CR1L: variants seen among roughly 807,000 people sequenced by gnomAD.
The protein encoded by CR1L is complement C3b/C4b receptor 1 like.
CR1L carries 59 observed loss-of-function variants against 62.3 expected under a neutral mutation model. The ratio of observed to expected loss-of-function variants is 0.95; its 90% confidence interval spans 0.77 to 1.18. The LOEUF (loss-of-function observed/expected upper bound fraction) is 1.18, where lower values mean the gene tolerates loss of function less well. Among genes scored for constraint, CR1L ranks in the 50% most tolerant of loss-of-function variants. The probability of loss-of-function intolerance (pLI) is 0.00; values close to 1 mark genes in which losing one functional copy is unlikely to be tolerated. For missense variants in CR1L, 700 were observed against 702.8 expected (o/e 1.00, Z 0.04); for synonymous variants, 279 against 248.7 (o/e 1.12, Z -1.15).
At chr1:207,700,026 G>A (rs1428492335) in intron 8 of CR1L, among the ~76,000 whole-genome samples, 1 of 152,012 alleles carries the variant, frequency 6.6e-6, no homozygotes, top group East Asian at 1.9e-4. Context: ...TAAATAATAA[G>A]TCATTTTTTT....
At chr1:207,722,968 T>C (rs1446542733) in intron 11 of CR1L, among the ~76,000 whole-genome samples, 1 of 152,202 alleles carries the variant, frequency 6.6e-6, no homozygotes, top group Non-Finnish European at 1.5e-5. Flanking sequence ...TAGATTATAT[T>C]AGTTTGCCTT....
intron 1 of CR1L, chr1:207,657,008 A>G: frequency 1.9e-6 from 1 of 539,960 alleles, no homozygotes; most frequent in South Asian, 2.6e-5. Flanking sequence ...ATCCATATTG[A>G]ATTCACAACC....
intron 1 of CR1L, among the ~76,000 whole-genome samples, chr1:207,673,722 G>A (rs1410845301): frequency 2.0e-5 from 3 of 152,144 alleles, no homozygotes; most frequent in African/African-American, 7.2e-5. Flanking sequence ...TATTCGGCAG[G>A]TAAAATTACA....
intron 10 of CR1L, chr1:207,710,720 C>T: frequency 6.8e-6 from 11 of 1,609,786 alleles, no homozygotes; most frequent in African/African-American, 1.3e-5. Context: ...GAAAGGACCC[C>T]CCGCACCGTG....
intron 3 of CR1L, among the ~76,000 whole-genome samples, chr1:207,679,189 G>C (rs1663756333): frequency 8.8e-6 from 1 of 114,120 alleles, no homozygotes; most frequent in African/African-American, 3.4e-5. Context: ...ATTTTTAGTA[G>C]AGACAGGATT....
chr1:207,707,443 A>T (rs1977266), intron 9 of CR1L, among the ~76,000 whole-genome samples: 3 of 152,094 alleles, frequency 2.0e-5, no homozygotes, highest in East Asian at 3.9e-4. Context: ...GTCTGGCCAA[A>T]GTGGTGAAAC....
intron 1 of CR1L, among the ~76,000 whole-genome samples, chr1:207,647,923 A>G (rs1663156749): frequency 6.6e-6 from 1 of 152,172 alleles, no homozygotes; most frequent in Non-Finnish European, 1.5e-5. Context: ...CTTTTTAAAG[A>G]TTAATGTTTA....
Position 207,683,930 on chromosome 1 carries a change from T to G in CR1L, c.436T>G (p.Trp146Gly). 1.2e-6 allele frequency: 2 copies of G among 1,613,572 alleles called. No individual in the cohort carries two copies. The highest frequency in any genetic ancestry group is 1.7e-6 in the Non-Finnish European group (2 of 1,179,634). ...TCIISGNTVI[W>G]DNKTPVCDRI... Reference sequence around the variant, plus strand: ...CATCATCTCAGGCAACACTGTCATTTGGGATAATAAAACACCTGTTTGTGA... The same window carrying G: ...CATCATCTCAGGCAACACTGTCATTGGGGATAATAAAACACCTGTTTGTGA... Residue 146 changes from tryptophan to glycine, a missense_variant, in exon 4 of 12, where the codon TGG becomes GGG. Physicochemically the swap from Trp to Gly is radical, Grantham distance 184. Transcript: ENST00000508064.
intron 4 of CR1L, among the ~76,000 whole-genome samples, chr1:207,685,273 C>T (rs184879467): frequency 3.8e-3 from 585 of 152,308 alleles, no homozygotes; most frequent in African/African-American, 0.013. Flanking sequence ...ATGCTTTTGA[C>T]TGCGTAGCAT....
Position 207,694,519 on chromosome 1 carries a change from A to T in CR1L, c.630A>T (p.Lys210Asn), listed in dbSNP as rs766538717. Residue 210 changes from lysine to asparagine, a missense_variant, in exon 5 of 12, where the codon AAA becomes AAT. Physicochemically the swap from Lys to Asn is moderately conservative, Grantham distance 94. Coordinates refer to ENST00000508064, the MANE Select transcript of CR1L (RefSeq NM_175710.2). ...AGCCCTCCATATACTGCACCAGCAA[A>T]GATGATCAAGTGGGCATCTGGAGTG... The part of the protein sequence containing the change: ...VGEPSIYCTS[K>N]DDQVGIWSGP... 11 of 1,613,400 alleles carry T rather than the reference A, an allele frequency of 6.8e-6. No individual in the cohort carries two copies. Among genetic ancestry groups the T allele is most frequent in the African/African-American group, 2.7e-5 (2 of 74,926 alleles).
chr1:207,718,690 T>C (rs1002905586), intron 11 of CR1L, among the ~76,000 whole-genome samples: 22 of 152,274 alleles, frequency 1.4e-4, no homozygotes, highest in Admixed American at 3.9e-4. Context: ...TCCAAAGGTG[T>C]GGGATTACAG....
Position 207,723,630 on chromosome 1 carries a change from C to G in CR1L, c.1655C>G (p.Ala552Gly), listed in dbSNP as rs201496139. The G allele has an allele frequency of 2.5e-6, 4 of 1,596,392 alleles. No individual in the cohort carries two copies. The highest frequency in any genetic ancestry group is 3.4e-6 in the Non-Finnish European group (4 of 1,169,972). ...ELPVGAGSHD[A>G]LIVGKFYEVF... ...GTCTTCCTTTTAGGTTCACATGATG[C>G]TCTTATAGTTGGTAAGTTTTATGAA... Residue 552 changes from alanine (A) to glycine (G), a missense_variant, in exon 12 of 12, where the codon GCT becomes GGT. Transcript: ENST00000508064.
In CR1L at chr1:207,723,687, A is replaced by G. The variant is rs1397472453; in HGVS notation, c.*2A>G. 2.6e-6 allele frequency: 4 copies of G among 1,558,454 alleles called. No homozygotes were observed. In the African/African-American group the frequency reaches 5.4e-5, roughly 21 times the overall value. ...GCTGAGGAATTCTGTCATCTTTAAC[A>G]GTAAGTACCTACTTATAATGAATGC... On this transcript the variant is annotated 3_prime_UTR_variant, in exon 12 of 12. Transcript: ENST00000508064.
In CR1L at chr1:207,683,956, C is replaced by G. The variant is rs758726825; in HGVS notation, c.462C>G (p.Asp154Glu). Residue 154 changes from aspartate to glutamate, a missense_variant and splice_region_variant, in exon 4 of 12, where the codon GAC becomes GAG. By Grantham distance (45) the Asp-to-Glu change is conservative. Coordinates refer to ENST00000508064, the MANE Select transcript of CR1L (RefSeq NM_175710.2). ...GGGATAATAAAACACCTGTTTGTGA[C>G]AGTGAGTTGAAATATGCATTCCTAT... ...VIWDNKTPVC[D>E]RIICGLPPTI... The G allele has an allele frequency of 6.2e-7, 1 of 1,611,788 alleles. No individual in the cohort carries two copies. The highest frequency in any genetic ancestry group is 2.2e-5 in the East Asian group (1 of 44,824).
At chr1:207,672,675 G>A (rs1359030387) in intron 1 of CR1L, among the ~76,000 whole-genome samples, 3 of 152,074 alleles carry the variant, frequency 2.0e-5, no homozygotes, top group Admixed American at 6.5e-5. Flanking sequence ...AAAATAGTAT[G>A]CTAATTAAGC....
chr1:207,717,502 A>C lies in CR1L; in HGVS notation c.1453A>C (p.Arg485=). 1 of 1,613,706 alleles carries C rather than the reference A, an allele frequency of 6.2e-7. No homozygotes were observed. Among genetic ancestry groups the C allele is most frequent in the Non-Finnish European group, 8.5e-7 (1 of 1,179,648 alleles). Residue 485 remains arginine, a synonymous_variant, in exon 11 of 12, where the codon AGA becomes CGA. Coordinates refer to ENST00000508064, the MANE Select transcript of CR1L (RefSeq NM_175710.2). ...AAATCCTCCAGCTATCCTTAATGGGAGACACACAGGAACTCCCCTTGGAGA... is the reference window on the plus strand; with the variant it reads ...AAATCCTCCAGCTATCCTTAATGGGCGACACACAGGAACTCCCCTTGGAGA... ...CPNPPAILNG[R]HTGTPLGDIP...
intron 7 of CR1L, among the ~76,000 whole-genome samples, chr1:207,698,810 A>G (rs1664148507): frequency 6.6e-6 from 1 of 152,118 alleles, no homozygotes; most frequent in Non-Finnish European, 1.5e-5. Context: ...TACCACTCCA[A>G]ACTGGGAGCT....
chr1:207,665,899 G>T lies in CR1L; in HGVS notation c.98-11490G>T, dbSNP rs190956009. ...TCAGATGAAGTAAGGCAGTATTCGG[G>T]AATGTTTGTGTGAGCTAAGACTATA... On this transcript the variant is annotated intron_variant, in intron 1 of 11. Coordinates refer to ENST00000508064, the MANE Select transcript of CR1L (RefSeq NM_175710.2). Among the ~76,000 whole-genome samples the T allele has an allele frequency of 3.2e-4, 49 of 152,326 alleles. No homozygotes were observed. In the Middle Eastern group the frequency reaches 0.01, roughly 32 times the overall value.
At chr1:207,715,398 G>C (rs1248792959) in intron 10 of CR1L, 3 of 1,568,154 alleles carry the variant, frequency 1.9e-6, no homozygotes, top group Non-Finnish European at 2.6e-6. Context: ...GTGTGTGAAC[G>C]TGAGTAGAAA....
Sources: allele counts gnomAD v4.1 joint callset (sites outside exome capture counted in the v4.1 genomes callset), GRCh38; gene constraint gnomAD v4.1.1; transcripts MANE v1.5; gene names NCBI Gene and HGNC (gene_info 2026-07-23, HGNC 2026-07-21).